Variants in UNC79 observed in about 807,000 individuals in gnomAD.
UNC79 encodes protein unc-79 homolog.
UNC79 carries 37 observed loss-of-function variants against 283.1 expected under a neutral mutation model. That is an observed-to-expected ratio of 0.13 (90% CI 0.10 to 0.17). The LOEUF (loss-of-function observed/expected upper bound fraction) is 0.17, where lower values mean the gene tolerates loss of function less well. UNC79 is among the 10% of genes least tolerant of loss of function. UNC79 has a pLI of 1.00. For missense variants in UNC79, 2,272 were observed against 3,211.1 expected, an observed-to-expected ratio of 0.71 and a Z score of 7.07; for synonymous variants, 1,107 against 1,200.2, an observed-to-expected ratio of 0.92 and a Z score of 1.61.
chr14:93,556,703 A>G (rs2062195344), intron 14 of UNC79, among the ~76,000 whole-genome samples: 1 of 151,958 alleles, frequency 6.6e-6, no homozygotes, highest in African/African-American at 2.4e-5. Flanking sequence ...AAAACCCAAA[A>G]ACCTTTTTTT....
At chr14:93,470,587 G>T (rs963797559) in intron 2 of UNC79, among the ~76,000 whole-genome samples, 1 of 152,174 alleles carries the variant, frequency 6.6e-6, no homozygotes, top group Non-Finnish European at 1.5e-5. Flanking sequence ...GAATTGAATT[G>T]AGTTGACTTT....
Position 93,575,960 on chromosome 14 carries a change from T to A in UNC79, c.2211+762T>A, listed in dbSNP as rs142662261. Reference sequence around the variant, plus strand: ...TTAAAACATGGAACATGATTATGGGTTTGCATTCAGTGTTTTAAAGAATAT... The same window carrying A: ...TTAAAACATGGAACATGATTATGGGATTGCATTCAGTGTTTTAAAGAATAT... On this transcript the variant is annotated intron_variant, in intron 17 of 48. Coordinates refer to ENST00000555664, the Ensembl canonical transcript of UNC79. 2.3e-3 allele frequency among the ~76,000 whole-genome samples: 351 copies of A among 152,338 alleles called. 2 individuals carry two copies. The highest frequency in any genetic ancestry group is 3.2e-3 in the Non-Finnish European group (216 of 68,032).
At chr14:93,405,209 G>A (rs532172051) in intron 1 of UNC79, among the ~76,000 whole-genome samples, 1 of 151,682 alleles carries the variant, frequency 6.6e-6, no homozygotes, top group Non-Finnish European at 1.5e-5. Flanking sequence ...CTTGAACCTG[G>A]GAGGCGGAGT....
chr14:93,527,445 G>A (rs549102633), intron 8 of UNC79, among the ~76,000 whole-genome samples: 9 of 152,314 alleles, frequency 5.9e-5, no homozygotes, highest in African/African-American at 1.9e-4. Flanking sequence ...TACTCATTAC[G>A]TCTAAGGAAG....
Position 93,531,161 on chromosome 14 carries a change from C to T in UNC79, c.1094-1389C>T, listed in dbSNP as rs928575439. On this transcript the variant is annotated intron_variant, in intron 10 of 48. Transcript: ENST00000555664. This position sits in a 1 kb window ranked among gnomAD's most constrained non-coding sequence, Gnocchi z 4.2. ...ATCTTTAGAGGAATATTGGCAATAA[C>T]TTTTCATTACTTATACAGACATGTG... 1.3e-5 allele frequency among the ~76,000 whole-genome samples: 2 copies of T among 152,136 alleles called. No individual in the cohort carries two copies. The highest frequency in any genetic ancestry group is 4.8e-5 in the African/African-American group (2 of 41,428).
chr14:93,533,400 A>G (rs986888754), intron 11 of UNC79, among the ~76,000 whole-genome samples: 1 of 152,192 alleles, frequency 6.6e-6, no homozygotes, highest in Non-Finnish European at 1.5e-5. Context: ...AATTTGTCCT[A>G]TGCTCAGCTC....
intron 1 of UNC79, among the ~76,000 whole-genome samples, chr14:93,402,565 C>T (rs561312048): frequency 4.6e-5 from 7 of 151,906 alleles, no homozygotes; most frequent in Admixed American, 1.3e-4. Flanking sequence ...GGGATACACA[C>T]GGGATTGGAC....
At chr14:93,448,347 C>T (rs1160274289) in intron 1 of UNC79, among the ~76,000 whole-genome samples, 1 of 152,064 alleles carries the variant, frequency 6.6e-6, no homozygotes, top group Non-Finnish European at 1.5e-5. Context: ...GAATTTCCAT[C>T]TTGTTCTTCT....
At chr14:93,339,165 T>C (rs1299553197) in intron 1 of UNC79, among the ~76,000 whole-genome samples, 1 of 152,222 alleles carries the variant, frequency 6.6e-6, no homozygotes, top group Non-Finnish European at 1.5e-5. Context: ...AAAGGCATCA[T>C]GCCAACAGGG....
At chr14:93,365,876 G>C (rs1028968903) in intron 1 of UNC79, among the ~76,000 whole-genome samples, 1 of 152,092 alleles carries the variant, frequency 6.6e-6, no homozygotes, top group Non-Finnish European at 1.5e-5. Context: ...ATGATAAAAG[G>C]CCTCAGATTG....
At chr14:93,629,598 C>T (rs773186653) in intron 30 of UNC79, among the ~76,000 whole-genome samples, 5 of 152,142 alleles carry the variant, frequency 3.3e-5, no homozygotes, top group South Asian at 2.1e-4. Flanking sequence ...ATAGATGCTT[C>T]GAAATCAGTG....
exon 32 of UNC79, chr14:93,637,228 C>T (rs760419821): frequency 1.5e-6 from 2 of 1,305,132 alleles, no homozygotes; most frequent in Non-Finnish European, 2.2e-6. Context: ...CAGATACAGC[C>T]TGGGAAACGC....
chr14:93,554,240 C>T (rs1363386016), intron 14 of UNC79, among the ~76,000 whole-genome samples: 4 of 151,508 alleles, frequency 2.6e-5, no homozygotes, highest in Admixed American at 6.6e-5. Flanking sequence ...CCCAGCTACT[C>T]GGGAGGCTGA....
chr14:93,462,161 C>A (rs1341725075), intron 1 of UNC79, among the ~76,000 whole-genome samples: 3 of 152,058 alleles, frequency 2.0e-5, no homozygotes, highest in African/African-American at 7.2e-5. Context: ...ACAAAATTAG[C>A]CAGATGTGGT....
chr14:93,675,925 C>T (rs930583576), intron 41 of UNC79, among the ~76,000 whole-genome samples: 1 of 152,184 alleles, frequency 6.6e-6, no homozygotes, highest in Non-Finnish European at 1.5e-5. Context: ...CAGAAAATAT[C>T]TGTGCTCCTA....
At chr14:93,409,500 G>A (rs1039958714) in intron 1 of UNC79, among the ~76,000 whole-genome samples, 14 of 152,008 alleles carry the variant, frequency 9.2e-5, no homozygotes, top group African/African-American at 2.9e-4. Flanking sequence ...AGACCAGCCT[G>A]GACAACATAG....
chr14:93,680,809 C>T (rs1057374627), intron 41 of UNC79, among the ~76,000 whole-genome samples: 1 of 152,134 alleles, frequency 6.6e-6, no homozygotes, highest in Non-Finnish European at 1.5e-5. Flanking sequence ...TGAGCCACCA[C>T]ACCTGGCCTA....
chr14:93,690,492 C>T lies in UNC79; in HGVS notation c.7272+189C>T. On this transcript the variant is annotated intron_variant, in intron 45 of 48. Transcript: ENST00000555664. The surrounding 1 kb of genome is among the most constrained non-coding windows in gnomAD (Gnocchi z 4.3). Reference sequence around the variant, plus strand: ...GATTCCCAGACTGTCTTTCCCCCCGCCCCCAAATTGTTTTTCGGCTTACTT... The same window carrying T: ...GATTCCCAGACTGTCTTTCCCCCCGTCCCCAAATTGTTTTTCGGCTTACTT... 6.8e-6 allele frequency: 4 copies of T among 584,298 alleles called. No individual in the cohort carries two copies. Among genetic ancestry groups the T allele is most frequent in the African/African-American group, 5.8e-5 (3 of 52,002 alleles). The allele number at this position is 584,298 out of a possible 1,614,324, so 36.2% of individuals were successfully genotyped here. A position where few individuals can be genotyped will look rare whatever the true frequency, so the allele number is the denominator to read the frequency against.
At chr14:93,508,204 G>GA (rs113575263) in intron 7 of UNC79, among the ~76,000 whole-genome samples, 3,861 of 124,360 alleles carry the variant, frequency 0.031, 152 homozygotes, top group African/African-American at 0.097. Flanking sequence ...AATTTCTGTC[G>GA]AAAAAAAAAA....
Sources: gnomAD v4.1 joint callset for allele counts (sites outside exome capture counted in the v4.1 genomes callset) on GRCh38, gnomAD v4.1.1 for gene constraint, Gnocchi (gnomAD v3.1) non-coding constraint, MANE v1.5 for transcripts, NCBI Gene and HGNC (gene_info 2026-07-23, HGNC 2026-07-21) for gene names.